The following ZNF331 variants were observed in gnomAD, a reference collection of about 807,000 sequenced individuals.
ZNF331 encodes the protein zinc finger protein 331.
Under a neutral mutation model 7.0 loss-of-function variants are expected in ZNF331, and 2 were observed. The ratio of observed to expected loss-of-function variants is 0.29; its 90% CI spans 0.12 to 0.90. The LOEUF (loss-of-function observed/expected upper bound fraction) is 0.90, where lower values mean the gene tolerates loss of function less well. Among genes scored for constraint, ZNF331 ranks in the 40% least tolerant of loss-of-function variants. The probability of loss-of-function intolerance (pLI) is 0.58; values close to 1 mark genes in which losing one functional copy is unlikely to be tolerated. For synonymous variants in ZNF331, 196 were observed against 205.4 expected, an observed-to-expected ratio of 0.95 and a Z score of 0.39; for missense variants, 432 against 587.7, an observed-to-expected ratio of 0.74 and a Z score of 2.74.
chr19:53,551,303 G>A (rs2147420360), intron 2 of ZNF331, among the ~76,000 whole-genome samples: 1 of 152,234 alleles, frequency 6.6e-6, no homozygotes, highest in East Asian at 1.9e-4. Flanking sequence ...TGGTATATAT[G>A]TTTATAGTCC....
chr19:53,574,878 G>A (rs1474357311), intron 5 of ZNF331, among the ~76,000 whole-genome samples: 1 of 151,906 alleles, frequency 6.6e-6, no homozygotes, highest in East Asian at 1.9e-4. Flanking sequence ...TATTGGATAA[G>A]AAGGATAAAA....
At chr19:53,563,086 C>A (rs535655405) in intron 3 of ZNF331, among the ~76,000 whole-genome samples, 153 of 138,146 alleles carry the variant, frequency 1.1e-3, no homozygotes, top group African/African-American at 3.8e-3. Flanking sequence ...GGATTCCACA[C>A]CCCCCCACCC....
At chr19:53,547,161 C>T (rs770596471) in intron 2 of ZNF331, among the ~76,000 whole-genome samples, 3 of 152,090 alleles carry the variant, frequency 2.0e-5, no homozygotes, top group Non-Finnish European at 4.4e-5. Context: ...AATAAATCTC[C>T]AGAAATTATT....
At chr19:53,557,005 A>G (rs1333380984) in intron 3 of ZNF331, among the ~76,000 whole-genome samples, 13 of 118,036 alleles carry the variant, frequency 1.1e-4, no homozygotes, top group African/African-American at 3.4e-4. Flanking sequence ...TTTTTGGTAG[A>G]TACAATGTTT....
the ZNF331 span, among the ~76,000 whole-genome samples, chr19:53,506,739 G>A: frequency 3.3e-5 from 5 of 152,216 alleles, no homozygotes; most frequent in Admixed American, 1.3e-4. Context: ...TGTCCTGTTC[G>A]GTTTCTGCAT....
chr19:53,527,968 GA>G (rs1568461414), intron 2 of ZNF331, among the ~76,000 whole-genome samples: 1 of 152,168 alleles, frequency 6.6e-6, no homozygotes, highest in Non-Finnish European at 1.5e-5. Flanking sequence ...ACATTTCCAT[GA>G]TTATATGTAC....
In ZNF331 at chr19:53,560,840, G is replaced by A. The variant is rs2089841617; in HGVS notation, c.-74+4932G>A. Among the ~76,000 whole-genome samples the A allele has an allele frequency of 6.6e-6, 1 of 152,114 alleles. No homozygotes were observed. Among genetic ancestry groups the A allele is most frequent in the African/African-American group, 2.4e-5 (1 of 41,418 alleles). On this transcript the variant is annotated intron_variant, in intron 3 of 5. Transcript: ENST00000449416. The surrounding 1 kb of genome is among the most constrained non-coding windows in gnomAD (Gnocchi z 4.3). ...TTGCGCTTGCTTCTATAACTCAAGA[G>A]AATCTTCCGTATGTTAGAGGCAGCC...
At chr19:53,523,233 A>G (rs545517678) in intron 2 of ZNF331, 1 of 146,542 alleles carries the variant, frequency 6.8e-6, no homozygotes, top group Non-Finnish European at 1.5e-5. Flanking sequence ...TTTTTTTTTT[A>G]TTTTTTTTTT....
chr19:53,578,443 G>C lies in ZNF331; in HGVS notation c.*491G>C. On this transcript the variant is annotated 3_prime_UTR_variant, in exon 6 of 6. Transcript: ENST00000449416. The stretch of plus-strand genomic sequence containing the variant: ...GTTGCTAAGATCTACATGACAATAA[G>C]ATATTTTGGGAGAGAGATACGTTCA... 1 of 229,722 alleles carries C rather than the reference G, an allele frequency of 4.4e-6. No homozygotes were observed. The highest frequency in any genetic ancestry group is 8.6e-6 in the Non-Finnish European group (1 of 115,998). 14.2% of individuals were successfully genotyped at this position (229,722 alleles called of 1,614,324 possible).
At position 53,566,325 on chromosome 19, in the gene ZNF331, CTCTT is replaced by C. The variant is rs566243233; in HGVS notation, c.-73-2976_-73-2973del. 2.2e-4 allele frequency among the ~76,000 whole-genome samples: 34 copies of C among 152,150 alleles called. No individual in the cohort carries two copies. In the South Asian group the frequency reaches 7.1e-3, roughly 32 times the overall value. On this transcript the variant is annotated intron_variant, in intron 3 of 5. Transcript: ENST00000449416. The stretch of plus-strand genomic sequence containing the variant: ...GGTTTGGTTTTGGGTCAGAGTTTTG[CTCTT>C]TCGTCCAGGCTGGAGTGAAGTGGCA...
intron 2 of ZNF331, among the ~76,000 whole-genome samples, chr19:53,528,380 A>G (rs1314604974): frequency 1.1e-4 from 16 of 152,264 alleles, no homozygotes; most frequent in Admixed American, 1.0e-3. Context: ...AAAATGGATT[A>G]AGGGATATGT....
At chr19:53,548,854 CTT>C (rs796513820) in intron 2 of ZNF331, among the ~76,000 whole-genome samples, 1 of 145,298 alleles carries the variant, frequency 6.9e-6, no homozygotes. Flanking sequence ...TCTTTTTCTT[CTT>C]TTTTTTTTTG....
chr19:53,520,974 A>G (rs1040522480), upstream of ZNF331: 3 of 152,268 alleles, frequency 2.0e-5, no homozygotes, highest in African/African-American at 7.2e-5. Flanking sequence ...GCGCCCTTCC[A>G]GCTGCGTCGA....
chr19:53,527,721 G>T (rs1344649460), intron 2 of ZNF331, among the ~76,000 whole-genome samples: 2 of 152,272 alleles, frequency 1.3e-5, no homozygotes, highest in East Asian at 3.9e-4. Context: ...CCAGCCATGG[G>T]TCACATTACA....
In ZNF331 at chr19:53,526,560, T is replaced by C. The variant is rs200462696; in HGVS notation, c.-205+3876T>C. 2.2e-4 allele frequency among the ~76,000 whole-genome samples: 32 copies of C among 147,804 alleles called. 1 individual carries two copies. Among genetic ancestry groups the C allele is most frequent in the Admixed American group, 1.1e-3 (16 of 14,714 alleles). On this transcript the variant is annotated intron_variant, in intron 2 of 6. Transcript: ENST00000253144. ...TTTTTTGGCGTAGAAATTTTTTTTT[T>C]CTTTTTTTTTTGAGACGGAGTCTCG...
the ZNF331 span, among the ~76,000 whole-genome samples, chr19:53,510,111 G>A: frequency 6.6e-6 from 1 of 152,218 alleles, no homozygotes; most frequent in African/African-American, 2.4e-5. Context: ...AGTAAACCAT[G>A]TTAGAGCTCA....
chr19:53,506,428 C>CTCTCTCTCTCTCTG, the ZNF331 span, among the ~76,000 whole-genome samples: 1 of 96,912 alleles, frequency 1.0e-5, no homozygotes, highest in African/African-American at 4.8e-5. Context: ...CTCTCTCTCT[C>CTCTCTCTCTCTCTG]TCTCTCTCTC....
At chr19:53,559,057 A>G (rs1182507354) in intron 3 of ZNF331, among the ~76,000 whole-genome samples, 2 of 151,500 alleles carry the variant, frequency 1.3e-5, no homozygotes, top group Non-Finnish European at 2.9e-5. Flanking sequence ...ATACATATAC[A>G]AACACACCCC....
At chr19:53,572,542 CAT>C (rs2090497478) in intron 5 of ZNF331, among the ~76,000 whole-genome samples, 1 of 142,752 alleles carries the variant, frequency 7.0e-6, no homozygotes. Context: ...TATACACACA[CAT>C]ATATATTATA....
Sources: gnomAD v4.1 joint callset for allele counts (sites outside exome capture counted in the v4.1 genomes callset) on GRCh38, gnomAD v4.1.1 for gene constraint, Gnocchi (gnomAD v3.1) non-coding constraint, MANE v1.5 for transcripts, NCBI Gene and HGNC (gene_info 2026-07-23, HGNC 2026-07-21) for gene names.